The following TCEA3 variants were observed in gnomAD, a reference collection of about 807,000 sequenced individuals.
TCEA3 encodes the protein transcription elongation factor A3, also known as transcription elongation factor A protein 3.
A neutral mutation model predicts 44.0 loss-of-function variants in TCEA3; 36 were observed. The observed-to-expected ratio is 0.82, with a 90% CI of 0.63 to 1.08. The LOEUF is 1.08. TCEA3 is among the 50% of genes least tolerant of loss of function. The probability of loss-of-function intolerance (pLI) is 0.00; values close to 1 mark genes in which losing one functional copy is unlikely to be tolerated. For synonymous variants in TCEA3, 162 were observed against 159.7 expected (o/e 1.01, Z -0.11); for missense variants, 392 against 441.2 (o/e 0.89, Z 1.00).
intron 5 of TCEA3, among the ~76,000 whole-genome samples, chr1:23,407,832 C>T (rs1283191586): frequency 6.6e-6 from 1 of 152,140 alleles, no homozygotes; most frequent in Non-Finnish European, 1.5e-5. Flanking sequence ...TATTTGATGA[C>T]TAAATGACTT....
At chr1:23,383,659 G>A in intron 10 of TCEA3, 1 of 985,482 alleles carries the variant, frequency 1.0e-6, no homozygotes, top group Non-Finnish European at 1.2e-6. Flanking sequence ...AGCCTGCCTG[G>A]TGGCCCAGAC....
chr1:23,393,800 C>T (rs1639133166), intron 8 of TCEA3, 79 bp downstream of exon 8: 14 of 1,519,266 alleles, frequency 9.2e-6, no homozygotes, highest in Admixed American at 8.0e-5. Flanking sequence ...TGATGAGTCA[C>T]GAGCCACTGA....
chr1:23,418,165 C>T, intron 2 of TCEA3, 156 bp from the exon 3 acceptor site: 2 of 672,886 alleles, frequency 3.0e-6, no homozygotes, highest in Non-Finnish European at 2.6e-6. Context: ...CAGAACCCCA[C>T]TACTGTAACT....
rs922847531 is a variant in TCEA3 at position 23,417,329 on chromosome 1, T to C, written c.300A>G (p.Glu100=). ...GEEREKAKKK[E]KGLECSDWKP... is the part of the protein sequence containing the mutation. ...TCCAGTCTGAACACTCAAGCCCTTT[T>C]TCCTTCTTCTTTGCCTTTTCTCTTT... Residue 100 remains glutamate (E), a synonymous_variant, in exon 4 of 11, where the codon GAA becomes GAG. Coordinates refer to ENST00000450454, the MANE Select transcript of TCEA3 (RefSeq NM_003196.3). 1.9e-6 allele frequency: 3 copies of C among 1,613,932 alleles called. No individual in the cohort carries two copies. The highest frequency in any genetic ancestry group is 2.5e-6 in the Non-Finnish European group (3 of 1,179,896).
rs773147239 is a variant in TCEA3, at chr1:23,387,312, C to T, written c.927G>A (p.Gln309=). 5.0e-6 allele frequency: 8 copies of T among 1,614,006 alleles called. No individual in the cohort carries two copies. In the Admixed American group the frequency reaches 1.2e-4, roughly 24 times the overall value. Residue 309 remains glutamine, a synonymous_variant, in exon 9 of 11, where the codon CAG becomes CAA. Coordinates refer to ENST00000450454, the MANE Select transcript of TCEA3 (RefSeq NM_003196.3). ...AGTTCTTCTTCTTGCATTTGCTGCA[C>T]TGGAAGAGGTCAGTGGTGGTGCCGC... The part of the protein sequence containing the change: ...KTGGTTTDLF[Q]CSKCKKKNCT...
Position 23,417,994 on chromosome 1 carries a change from C to T in TCEA3, c.148G>A (p.Val50Ile). 6.2e-7 allele frequency: 1 copy of T among 1,614,074 alleles called. No individual in the cohort carries two copies. The highest frequency in any genetic ancestry group is 8.5e-7 in the Non-Finnish European group (1 of 1,179,898). ...IQLLQTTRIG[V>I]AVNGVRKHCS... The stretch of plus-strand genomic sequence containing the variant: ...TGCTTGCGGACCCCATTAACAGCAA[C>T]TCCAATCCTGGTTGTCTGCAAAGTG... The change falls in exon 3 of 11, where the codon GTT becomes ATT. Residue 50 changes from valine to isoleucine, a missense_variant. Transcript: ENST00000450454.
chr1:23,417,411 T>C (rs374603597), intron 3 of TCEA3, 21 bp from the exon 4 acceptor site: 41 of 1,610,240 alleles, frequency 2.5e-5, no homozygotes, highest in East Asian at 2.5e-4. Flanking sequence ...AAGGGTGGCA[T>C]TGTCCCTCAG....
At chr1:23,397,715 C>A in intron 6 of TCEA3, 77 bp downstream of exon 6, 1 of 1,609,952 alleles carries the variant, frequency 6.2e-7, no homozygotes, top group East Asian at 2.2e-5. Context: ...CTGAGAAAGA[C>A]TGAATTTCAT....
intron 7 of TCEA3, among the ~76,000 whole-genome samples, chr1:23,396,472 C>G (rs1281483471): frequency 6.6e-6 from 1 of 152,124 alleles, no homozygotes; most frequent in Non-Finnish European, 1.5e-5. Flanking sequence ...CCTCTCCTGT[C>G]TACACAAGGC....
At chr1:23,399,693 T>C (rs115139286) in intron 5 of TCEA3, among the ~76,000 whole-genome samples, 2,010 of 145,414 alleles carry the variant, frequency 0.014, 53 homozygotes, top group African/African-American at 0.049. Flanking sequence ...TTTGAGAGGG[T>C]GTCTCACTCT....
intron 8 of TCEA3, among the ~76,000 whole-genome samples, chr1:23,388,569 C>A (rs952168001): frequency 1.3e-5 from 2 of 152,160 alleles, no homozygotes; most frequent in Admixed American, 1.3e-4. Context: ...AAGGTCAAAG[C>A]ATTTTAGTGT....
In TCEA3 at chr1:23,419,113, C is replaced by A; in HGVS notation, c.96G>T (p.Lys32Asn). The change falls in exon 2 of 11, where the codon AAG becomes AAT. Residue 32 changes from lysine to asparagine, a missense_variant. By Grantham distance (94) the Lys-to-Asn change is moderately conservative. Transcript: ENST00000450454. ...NTEGALDLLK[K>N]LHSCQMSIQL... ...GGATGGACATCTGGCAGCTGTGCAG[C>A]TTCTTCAGAAGGTCCAGGGCCCCTT... 1 of 1,568,742 alleles carries A rather than the reference C, an allele frequency of 6.4e-7. No homozygotes were observed. The highest frequency in any genetic ancestry group is 8.7e-7 in the Non-Finnish European group (1 of 1,154,604).
intron 5 of TCEA3, chr1:23,404,253 G>C: frequency 1.4e-6 from 1 of 692,014 alleles, no homozygotes; most frequent in Admixed American, 2.0e-5. Context: ...TCCGTGGTCT[G>C]CTTCCTGGTA....
At chr1:23,406,646 T>G (rs1639552915) in intron 5 of TCEA3, among the ~76,000 whole-genome samples, 1 of 152,152 alleles carries the variant, frequency 6.6e-6, no homozygotes, top group South Asian at 2.1e-4. Context: ...TTTTGTTGTG[T>G]TGTGTTTTGT....
At chr1:23,422,225 T>A (rs1640086247) in intron 1 of TCEA3, among the ~76,000 whole-genome samples, 1 of 152,224 alleles carries the variant, frequency 6.6e-6, no homozygotes, top group South Asian at 2.1e-4. Flanking sequence ...TCTTTGTGTA[T>A]CATTCTATAA....
At chr1:23,403,531 G>C (rs1168205580) in intron 5 of TCEA3, 1 of 153,870 alleles carries the variant, frequency 6.5e-6, no homozygotes, top group Non-Finnish European at 1.4e-5. Flanking sequence ...TGGGAACAGT[G>C]CTGGGTATTT....
chr1:23,399,954 G>T (rs1197936987), intron 5 of TCEA3, among the ~76,000 whole-genome samples: 1 of 152,224 alleles, frequency 6.6e-6, no homozygotes, highest in Non-Finnish European at 1.5e-5. Context: ...GGGATTACAG[G>T]CATGAGCTAC....
intron 10 of TCEA3, among the ~76,000 whole-genome samples, chr1:23,382,373 T>A (rs1191426792): frequency 6.6e-6 from 1 of 152,252 alleles, no homozygotes; most frequent in East Asian, 1.9e-4. Flanking sequence ...AGGAAGCAGA[T>A]CAGAGAGGTT....
chr1:23,397,756 C>G (rs778833084), intron 6 of TCEA3, 36 bp downstream of exon 6: 2 of 1,613,440 alleles, frequency 1.2e-6, no homozygotes, highest in Non-Finnish European at 1.7e-6. Context: ...AAAAGGGACT[C>G]CTTCCCTCCC....
Sources: gnomAD v4.1 joint callset for allele counts (sites outside exome capture counted in the v4.1 genomes callset) on GRCh38, gnomAD v4.1.1 for gene constraint, MANE v1.5 for transcripts, NCBI Gene and HGNC (gene_info 2026-07-23, HGNC 2026-07-21) for gene names.